Variants in DLG2 observed in about 807,000 individuals in gnomAD.
DLG2 encodes the protein discs large MAGUK scaffold protein 2, also known as disks large homolog 2.
In DLG2, 45 loss-of-function variants were observed where a neutral mutation model predicts 132.5. The observed-to-expected ratio is 0.34, with a 90% CI of 0.27 to 0.44. The LOEUF (loss-of-function observed/expected upper bound fraction) is 0.44. DLG2 is among the 20% of genes least tolerant of loss of function. DLG2 has a pLI of 1.00. For synonymous variants in DLG2, 424 were observed against 419.6 expected, an observed-to-expected ratio of 1.01 and a Z score of -0.13; for missense variants, 1,045 against 1,196.9, an observed-to-expected ratio of 0.87 and a Z score of 1.87.
intron 7 of DLG2, among the ~76,000 whole-genome samples, chr11:84,355,484 A>C (rs1050418495): frequency 1.3e-5 from 2 of 152,090 alleles, no homozygotes; most frequent in African/African-American, 4.8e-5. Context: ...AGACACAGCA[A>C]GAAGGTGCTC....
intron 6 of DLG2, among the ~76,000 whole-genome samples, chr11:84,822,359 G>A (rs80162994): frequency 1.8e-4 from 27 of 151,780 alleles, no homozygotes; most frequent in Admixed American, 9.9e-4. Context: ...GGAAGGAGGG[G>A]TAAGCTTATT....
chr11:84,557,802 T>C (rs1200219689), intron 6 of DLG2, among the ~76,000 whole-genome samples: 4 of 152,136 alleles, frequency 2.6e-5, no homozygotes, highest in Admixed American at 2.6e-4. Context: ...CATATATACC[T>C]AGGAGAGTAG....
In DLG2 at chr11:85,141,794, C is replaced by A. The variant is rs1594781792; in HGVS notation, c.282+12762G>T. Among the ~76,000 whole-genome samples the A allele has an allele frequency of 2.6e-5, 4 of 151,794 alleles. No homozygotes were observed. The South Asian group carries it at 8.3e-4, about 31-fold the overall frequency. Reference sequence around the variant, plus strand: ...ACATGGATATCCAGTTTTCCTGGCACAATTTATTAAAGAGACTGTCCTTTT... The same window carrying A: ...ACATGGATATCCAGTTTTCCTGGCAAAATTTATTAAAGAGACTGTCCTTTT... On this transcript the variant is annotated intron_variant, in intron 5 of 27. Coordinates refer to ENST00000376104, the MANE Select transcript of DLG2 (RefSeq NM_001142699.3).
At chr11:84,795,109 C>G (rs927640604) in intron 6 of DLG2, among the ~76,000 whole-genome samples, 1 of 152,226 alleles carries the variant, frequency 6.6e-6, no homozygotes, top group Non-Finnish European at 1.5e-5. Flanking sequence ...CCCATCACTG[C>G]CTGTGGACCA....
At chr11:84,124,847 C>CAT (rs1555361342) in intron 9 of DLG2, among the ~76,000 whole-genome samples, 1 of 121,230 alleles carries the variant, frequency 8.2e-6, no homozygotes, top group East Asian at 2.4e-4. Context: ...CTTGTTTTCA[C>CAT]TTTTTTTTTT....
At chr11:83,822,036 G>A (rs1306087416) in intron 17 of DLG2, among the ~76,000 whole-genome samples, 1 of 152,152 alleles carries the variant, frequency 6.6e-6, no homozygotes, top group African/African-American at 2.4e-5. Flanking sequence ...AAAGTTGATA[G>A]AATCTATGGA....
At position 85,428,487 on chromosome 11, in the gene DLG2, A is replaced by T. The variant is rs568774368; in HGVS notation, c.41-143122T>A. On this transcript the variant is annotated intron_variant, in intron 3 of 27. Coordinates refer to ENST00000376104, the MANE Select transcript of DLG2 (RefSeq NM_001142699.3). ...GATTAAGAAACTCACTCAAAACCAC[A>T]TAACTACATGGAAACTGAACAACCT... 3.1e-3 allele frequency among the ~76,000 whole-genome samples: 467 copies of T among 152,292 alleles called. 1 individual carries two copies. Among genetic ancestry groups the T allele is most frequent in the African/African-American group, 0.011 (446 of 41,556 alleles).
chr11:84,657,628 G>T (rs2099689779), intron 6 of DLG2, among the ~76,000 whole-genome samples: 1 of 152,118 alleles, frequency 6.6e-6, no homozygotes, highest in Non-Finnish European at 1.5e-5. Flanking sequence ...CACATGCACA[G>T]TTCACAATAG....
At chr11:84,402,568 A>T (rs536978310) in intron 7 of DLG2, among the ~76,000 whole-genome samples, 20 of 152,246 alleles carry the variant, frequency 1.3e-4, no homozygotes, top group African/African-American at 4.6e-4. Context: ...AAAAAATGTA[A>T]AAAGGTTGGC....
chr11:85,412,089 CT>C (rs1565453400), intron 3 of DLG2, among the ~76,000 whole-genome samples: 1 of 151,842 alleles, frequency 6.6e-6, no homozygotes, highest in Non-Finnish European at 1.5e-5. Context: ...GTCCTATCTT[CT>C]TTTCCAGGCC....
chr11:84,756,909 A>T (rs1387531746), intron 6 of DLG2, among the ~76,000 whole-genome samples: 1 of 152,218 alleles, frequency 6.6e-6, no homozygotes, highest in Non-Finnish European at 1.5e-5. Context: ...AAGAAATACT[A>T]CAAGGCATTA....
intron 15 of DLG2, among the ~76,000 whole-genome samples, chr11:83,893,781 T>A (rs2070721725): frequency 6.6e-6 from 1 of 152,250 alleles, no homozygotes; most frequent in Non-Finnish European, 1.5e-5. Context: ...TTCATATTAC[T>A]ACTGCATGCT....
At chr11:85,303,184 C>T (rs2079713060) in intron 3 of DLG2, among the ~76,000 whole-genome samples, 1 of 152,158 alleles carries the variant, frequency 6.6e-6, no homozygotes, top group African/African-American at 2.4e-5. Flanking sequence ...ACCCCCATTA[C>T]TTAAGGAAAA....
At chr11:84,133,848 T>G (rs1269699321) in intron 9 of DLG2, among the ~76,000 whole-genome samples, 1 of 152,072 alleles carries the variant, frequency 6.6e-6, no homozygotes, top group Non-Finnish European at 1.5e-5. Context: ...ATATAGGATA[T>G]CTGGCTTTTA....
intron 7 of DLG2, among the ~76,000 whole-genome samples, chr11:84,284,014 G>A (rs1413141864): frequency 6.6e-6 from 1 of 152,142 alleles, no homozygotes; most frequent in Non-Finnish European, 1.5e-5. Context: ...GTAGAGGCAG[G>A]TGTATCACCT....
intron 6 of DLG2, among the ~76,000 whole-genome samples, chr11:84,983,760 G>A (rs2056100692): frequency 6.6e-6 from 1 of 152,236 alleles, no homozygotes; most frequent in South Asian, 2.1e-4. Flanking sequence ...TACAAGAAGT[G>A]AAGGAAGAAA....
chr11:85,092,031 C>T (rs1330543645), intron 6 of DLG2, among the ~76,000 whole-genome samples: 1 of 152,098 alleles, frequency 6.6e-6, no homozygotes, highest in Non-Finnish European at 1.5e-5. Flanking sequence ...TCTATGGCAG[C>T]AATAGGCTTA....
intron 4 of DLG2, among the ~76,000 whole-genome samples, chr11:85,238,476 T>C (rs913668209): frequency 2.0e-4 from 31 of 151,986 alleles, no homozygotes; most frequent in African/African-American, 7.5e-4. Flanking sequence ...ACTCCTGACC[T>C]CAGGCAATCC....
chr11:83,674,250 A>G (rs1486492942), intron 18 of DLG2, among the ~76,000 whole-genome samples: 1 of 152,186 alleles, frequency 6.6e-6, no homozygotes, highest in Non-Finnish European at 1.5e-5. Context: ...CCCAGGGTAG[A>G]AGCTCTTTAC....
Sources: allele counts gnomAD v4.1 joint callset (sites outside exome capture counted in the v4.1 genomes callset), GRCh38; gene constraint gnomAD v4.1.1; transcripts MANE v1.5; gene names NCBI Gene and HGNC (gene_info 2026-07-23, HGNC 2026-07-21).